PRPF38A: variants seen among roughly 807,000 people sequenced by gnomAD.
PRPF38A encodes pre-mRNA-splicing factor 38A.
PRPF38A carries 11 observed loss-of-function variants against 46.8 expected under a neutral mutation model. The observed-to-expected ratio is 0.24, with a 90% CI of 0.15 to 0.39. The LOEUF is 0.39. Ranked by LOEUF, PRPF38A falls within the 10% of genes least tolerant of loss-of-function variation. The pLI is 1.00. For missense variants in PRPF38A, 261 were observed against 407.5 expected (o/e 0.64, Z 3.10); for synonymous variants, 124 against 136.2 (o/e 0.91, Z 0.62).
intron 1 of PRPF38A, among the ~76,000 whole-genome samples, chr1:52,405,376 G>A (rs1035556738): frequency 5.9e-5 from 9 of 152,206 alleles, no homozygotes; most frequent in Non-Finnish European, 1.5e-5. Context: ...TGGACCTTGA[G>A]CAAGTCACTT....
chr1:52,408,443 C>T, intron 2 of PRPF38A, 126 bp from the exon 3 acceptor site: 5 of 1,288,766 alleles, frequency 3.9e-6, no homozygotes, highest in Non-Finnish European at 5.6e-6. Flanking sequence ...TCTACCTCCA[C>T]AATTGCAGCT....
At position 52,415,402 on chromosome 1, in the gene PRPF38A, C is replaced by CT; in HGVS notation, c.896+17dup. 1 of 1,606,862 alleles carries CT rather than the reference C, an allele frequency of 6.2e-7. No individual in the cohort carries two copies. Among genetic ancestry groups the CT allele is most frequent in the Non-Finnish European group, 8.5e-7 (1 of 1,174,000 alleles). ...CTCCCGAAAGGTAATGAATTGACCT[C>CT]TATTTTAACTTTACAGAAATAGTCC... On this transcript the variant is annotated intron_variant, in intron 9 of 9. Transcript: ENST00000257181.
intron 4 of PRPF38A, 134 bp downstream of exon 4, chr1:52,411,334 G>C: frequency 1.6e-6 from 1 of 622,970 alleles, no homozygotes; most frequent in Non-Finnish European, 2.8e-6. Flanking sequence ...CTTCCTGTCT[G>C]GGAGTCCCAA....
At chr1:52,413,067 C>T (rs1211812595) in intron 5 of PRPF38A, among the ~76,000 whole-genome samples, 1 of 152,148 alleles carries the variant, frequency 6.6e-6, no homozygotes, top group Non-Finnish European at 1.5e-5. Flanking sequence ...TCAGCTCTGC[C>T]ATATACTAGT....
chr1:52,405,659 T>A (rs1184383398), intron 1 of PRPF38A, 21 bp from the exon 2 acceptor site: 2 of 1,611,754 alleles, frequency 1.2e-6, no homozygotes, highest in Admixed American at 1.7e-5. Context: ...AATATGTTAC[T>A]GTATTGTTTT....
Position 52,415,363 on chromosome 1 carries a change from G to GA in PRPF38A, c.874dup (p.Ser292LysfsTer10). The GA allele has an allele frequency of 6.2e-7, 1 of 1,613,972 alleles. No individual in the cohort carries two copies. The highest frequency in any genetic ancestry group is 8.5e-7 in the Non-Finnish European group (1 of 1,179,898). ...GTCATCACCGTAGTCACAGACACAGGAGCCACTCAAAGTCTCCCGAAAGGT... is the reference window on the plus strand; with the variant it reads ...GTCATCACCGTAGTCACAGACACAGGAAGCCACTCAAAGTCTCCCGAAAGGT... On this transcript the variant is annotated frameshift_variant, in exon 9 of 10. Coordinates refer to ENST00000257181, the MANE Select transcript of PRPF38A (RefSeq NM_032864.4). LOFTEE classifies it high-confidence loss of function.
rs891484650 is a variant in PRPF38A, at chr1:52,417,836, G to C, written c.*1146G>C. On this transcript the variant is annotated 3_prime_UTR_variant, in exon 10 of 10. Coordinates refer to ENST00000257181, the MANE Select transcript of PRPF38A (RefSeq NM_032864.4). ...ATTGAAAACTGGAATGGCCCATTCA[G>C]AAAGACAGGAGAATTAGGAGAGAGT... 2.6e-5 allele frequency: 4 copies of C among 152,298 alleles called. No homozygotes were observed. Among genetic ancestry groups the C allele is most frequent in the Admixed American group, 2.0e-4 (3 of 15,286 alleles). 9.4% of individuals were successfully genotyped at this position (152,298 alleles called of 1,614,324 possible). A position where few individuals can be genotyped will look rare whatever the true frequency, so the allele number is the denominator to read the frequency against.
intron 2 of PRPF38A, among the ~76,000 whole-genome samples, chr1:52,407,948 T>C (rs1648043906): frequency 6.6e-6 from 1 of 152,164 alleles, no homozygotes; most frequent in South Asian, 2.1e-4. Flanking sequence ...CCCAGCTACT[T>C]GGGAGGCTGA....
Position 52,404,833 on chromosome 1 carries a change from A to C in PRPF38A, c.84A>C (p.Arg28=). The change falls in exon 1 of 10, where the codon CGA becomes CGC. Residue 28 remains arginine, a synonymous_variant. Coordinates refer to ENST00000257181, the MANE Select transcript of PRPF38A (RefSeq NM_032864.4). ...QYLVEKIIRT[R]IYESKYWKEE... is the part of the protein sequence containing the mutation. Reference sequence around the variant, plus strand: ...TGGTGGAGAAGATCATTCGAACGCGAATCTATGAGTCCAAGTACTGGAAAG... The same window carrying C: ...TGGTGGAGAAGATCATTCGAACGCGCATCTATGAGTCCAAGTACTGGAAAG... 7 of 1,614,236 alleles carry C rather than the reference A, an allele frequency of 4.3e-6. No individual in the cohort carries two copies. The highest frequency in any genetic ancestry group is 5.9e-6 in the Non-Finnish European group (7 of 1,180,020).
intron 4 of PRPF38A, 125 bp from the exon 5 acceptor site, chr1:52,412,389 C>G (rs557650507): frequency 5.3e-5 from 33 of 617,184 alleles, no homozygotes; most frequent in Non-Finnish European, 9.4e-5. Flanking sequence ...TTAGGAAAAT[C>G]TTGAACTGTC....
chr1:52,414,611 C>G lies in PRPF38A; in HGVS notation c.723-10C>G. 6.2e-7 allele frequency: 1 copy of G among 1,613,292 alleles called. No homozygotes were observed. The highest frequency in any genetic ancestry group is 8.5e-7 in the Non-Finnish European group (1 of 1,179,998). On this transcript the variant is annotated splice_polypyrimidine_tract_variant and intron_variant, in intron 6 of 9. Coordinates refer to ENST00000257181, the MANE Select transcript of PRPF38A (RefSeq NM_032864.4). ...CAACCTAGGCTTTCTTCTTCCTCTC[C>G]TCTTTATAGGCGGAGTCGATCTCCC... is the stretch of plus-strand genomic sequence containing the variant.
chr1:52,411,282 C>T (rs1028435969), intron 4 of PRPF38A, 82 bp downstream of exon 4: 1 of 954,340 alleles, frequency 1.0e-6, no homozygotes, highest in Admixed American at 2.0e-5. Context: ...ACAGCTTAAA[C>T]ACTGAAGCCT....
chr1:52,411,143 T>C lies in PRPF38A; in HGVS notation c.441T>C (p.Phe147=), dbSNP rs538575972. Residue 147 remains phenylalanine, a synonymous_variant, in exon 4 of 10, where the codon TTT becomes TTC. Transcript: ENST00000257181. ...GEFELMHVDE[F]IDELLHSERV... is the part of the protein sequence containing the mutation. ...TTGAATTGATGCATGTTGATGAGTT[T>C]ATTGATGAACTATTGCACAGTGAGA... The C allele has an allele frequency of 1.9e-6, 3 of 1,613,930 alleles. No individual in the cohort carries two copies. Among genetic ancestry groups the C allele is most frequent in the Non-Finnish European group, 8.5e-7 (1 of 1,179,814 alleles).
At chr1:52,409,905 C>T (rs1648099105) in intron 3 of PRPF38A, among the ~76,000 whole-genome samples, 1 of 151,944 alleles carries the variant, frequency 6.6e-6, no homozygotes, top group African/African-American at 2.4e-5. Context: ...ATGGAAGTAA[C>T]ACCTCCTTCT....
chr1:52,414,920 T>A, intron 8 of PRPF38A, 61 bp downstream of exon 8: 1 of 1,492,384 alleles, frequency 6.7e-7, no homozygotes, highest in Non-Finnish European at 9.3e-7. Context: ...AAGGAGTAGT[T>A]AGCCTCCTGC....
At chr1:52,412,281 G>A (rs1431567317) in intron 4 of PRPF38A, among the ~76,000 whole-genome samples, 2 of 152,164 alleles carry the variant, frequency 1.3e-5, no homozygotes, top group Non-Finnish European at 2.9e-5. Context: ...AGAGTATAAG[G>A]TACAGGGAAT....
intron 2 of PRPF38A, among the ~76,000 whole-genome samples, chr1:52,406,112 C>G (rs1373721864): frequency 6.6e-6 from 1 of 152,156 alleles, no homozygotes; most frequent in Non-Finnish European, 1.5e-5. Flanking sequence ...TCTCAGCCTC[C>G]CGAGTAGCTG....
chr1:52,410,308 AT>A (rs34305326), intron 3 of PRPF38A, among the ~76,000 whole-genome samples: 6 of 148,214 alleles, frequency 4.0e-5, no homozygotes, highest in African/African-American at 1.5e-4. Flanking sequence ...TCAAAAAAAA[AT>A]TTTTTTTCTA....
chr1:52,412,919 T>A (rs550577241), intron 5 of PRPF38A, among the ~76,000 whole-genome samples: 1 of 152,232 alleles, frequency 6.6e-6, no homozygotes, highest in South Asian at 2.1e-4. Context: ...GCAGAATTGC[T>A]TGAACCCGGG....
Sources: allele counts gnomAD v4.1 joint callset (sites outside exome capture counted in the v4.1 genomes callset), GRCh38; gene constraint gnomAD v4.1.1; transcripts MANE v1.5; gene names NCBI Gene and HGNC (gene_info 2026-07-23, HGNC 2026-07-21).